Variants in DECR1 observed in about 807,000 individuals in gnomAD.
The protein encoded by DECR1 is 2,4-dienoyl-CoA reductase [(3E)-enoyl-CoA-producing], mitochondrial.
Under a neutral mutation model 38.8 loss-of-function variants are expected in DECR1, and 44 were observed. That is an observed-to-expected ratio of 1.13 (90% CI 0.89 to 1.46). The LOEUF is 1.46. Among genes scored for constraint, DECR1 ranks in the 40% most tolerant of loss-of-function variants. The pLI is 0.00. For missense variants in DECR1, 428 were observed against 405.5 expected, an observed-to-expected ratio of 1.06 and a Z score of -0.48; for synonymous variants, 148 against 135.2, an observed-to-expected ratio of 1.09 and a Z score of -0.66.
At chr8:90,008,528 A>C (rs1812799102) in intron 1 of DECR1, among the ~76,000 whole-genome samples, 1 of 152,188 alleles carries the variant, frequency 6.6e-6, no homozygotes, top group Non-Finnish European at 1.5e-5. Context: ...GAGGTAGAAA[A>C]ATCTCTCTCA....
intron 5 of DECR1, among the ~76,000 whole-genome samples, chr8:90,028,874 G>T (rs1586153357): frequency 6.6e-6 from 1 of 152,002 alleles, no homozygotes; most frequent in Non-Finnish European, 1.5e-5. Context: ...GACCTTGCAA[G>T]TAAGTGCTCT....
At chr8:90,014,229 A>G (rs905350699) in intron 1 of DECR1, among the ~76,000 whole-genome samples, 1 of 152,198 alleles carries the variant, frequency 6.6e-6, no homozygotes, top group South Asian at 2.1e-4. Flanking sequence ...TTTTGTATCT[A>G]CTTTTTATAA....
At chr8:90,030,475 T>G (rs1805888) in intron 5 of DECR1, 6,899 of 152,256 alleles carry the variant, frequency 0.045, 289 homozygotes, top group East Asian at 0.19. Flanking sequence ...TGAACACAAA[T>G]GTGGTGCTTT....
chr8:90,006,163 A>G, intron 1 of DECR1: 1 of 702,666 alleles, frequency 1.4e-6, no homozygotes, highest in Non-Finnish European at 2.6e-6. Context: ...ACATCCAAAC[A>G]TCCTTAGCAG....
intron 8 of DECR1, among the ~76,000 whole-genome samples, chr8:90,045,523 T>C (rs1174230707): frequency 6.6e-6 from 1 of 152,126 alleles, no homozygotes; most frequent in Non-Finnish European, 1.5e-5. Flanking sequence ...GTAAACAAAG[T>C]AGCCTGGAAG....
intron 1 of DECR1, among the ~76,000 whole-genome samples, chr8:90,006,458 CT>C (rs1357012216): frequency 6.6e-6 from 1 of 152,152 alleles, no homozygotes; most frequent in East Asian, 1.9e-4. Flanking sequence ...TGAGAGACAG[CT>C]TAGTGAGCAG....
chr8:90,018,924 G>A lies in DECR1; in HGVS notation c.288G>A (p.Leu96=). 6.3e-7 allele frequency: 1 copy of A among 1,592,026 alleles called. No homozygotes were observed. The highest frequency in any genetic ancestry group is 8.6e-7 in the Non-Finnish European group (1 of 1,165,578). The change falls in exon 3 of 10, where the codon TTG becomes TTA. Residue 96 remains leucine, a synonymous_variant. Transcript: ENST00000220764. The part of the protein sequence containing the change: ...CVIASRKMDV[L]KATAEQISSQ... ...TTATTTCTAGGAAGATGGATGTTTT[G>A]AAAGCTACCGCAGAACAAATTTCTT...
intron 2 of DECR1, 130 bp from the exon 3 acceptor site, chr8:90,018,779 T>G (rs1365645870): frequency 2.7e-6 from 2 of 736,158 alleles, no homozygotes; most frequent in South Asian, 1.8e-5. Flanking sequence ...AAATTCACAT[T>G]GATTTTTGTA....
chr8:90,050,682 C>T (rs569835382), intron 8 of DECR1, among the ~76,000 whole-genome samples: 135 of 152,192 alleles, frequency 8.9e-4, no homozygotes, highest in African/African-American at 3.1e-3. Context: ...GGGTATATAC[C>T]GAAAGAATTA....
intron 1 of DECR1, among the ~76,000 whole-genome samples, chr8:90,012,765 A>G (rs538471900): frequency 3.0e-4 from 45 of 152,090 alleles, no homozygotes; most frequent in Non-Finnish European, 4.4e-4. Context: ...AATTGTGGCA[A>G]CTCCTTAGCA....
intron 8 of DECR1, among the ~76,000 whole-genome samples, chr8:90,050,885 G>GAAGC (rs1418334131): frequency 6.6e-6 from 1 of 152,130 alleles, no homozygotes; most frequent in Admixed American, 6.5e-5. Flanking sequence ...GGACATGGAT[G>GAAGC]AAGCTGGAAA....
chr8:90,014,879 C>T (rs914066586), intron 1 of DECR1, among the ~76,000 whole-genome samples: 3 of 152,068 alleles, frequency 2.0e-5, no homozygotes, highest in Admixed American at 2.0e-4. Context: ...AGGCAGGTGG[C>T]AGCTTTAAGG....
intron 8 of DECR1, among the ~76,000 whole-genome samples, chr8:90,049,783 C>G (rs1374716534): frequency 6.6e-6 from 1 of 152,170 alleles, no homozygotes; most frequent in Non-Finnish European, 1.5e-5. Flanking sequence ...AACTATACTA[C>G]AAGGCTACAG....
At chr8:90,048,003 C>T (rs1455364746) in intron 8 of DECR1, among the ~76,000 whole-genome samples, 2 of 152,178 alleles carry the variant, frequency 1.3e-5, no homozygotes, top group Non-Finnish European at 2.9e-5. Flanking sequence ...AAAGACACAA[C>T]ATACCAGAAT....
chr8:90,012,406 G>T (rs1467502686), intron 1 of DECR1, among the ~76,000 whole-genome samples: 1 of 152,010 alleles, frequency 6.6e-6, no homozygotes, highest in East Asian at 1.9e-4. Flanking sequence ...ACCTGCCTCG[G>T]CCTCCCAAAG....
intron 5 of DECR1, among the ~76,000 whole-genome samples, chr8:90,026,566 G>A (rs1366044645): frequency 1.3e-5 from 2 of 152,070 alleles, no homozygotes; most frequent in South Asian, 2.1e-4. Context: ...GATCGGTGGT[G>A]ATATCCCCTT....
intron 8 of DECR1, among the ~76,000 whole-genome samples, chr8:90,048,858 A>C (rs894800869): frequency 3.3e-5 from 5 of 152,246 alleles, no homozygotes; most frequent in African/African-American, 1.2e-4. Flanking sequence ...AGTGGGCCTC[A>C]TCCCTGGGAT....
intron 1 of DECR1, among the ~76,000 whole-genome samples, chr8:90,008,243 C>T (rs552050443): frequency 6.6e-6 from 1 of 152,338 alleles, no homozygotes; most frequent in South Asian, 2.1e-4. Context: ...CATGCAGCCA[C>T]TTAAAACTAG....
intron 6 of DECR1, among the ~76,000 whole-genome samples, chr8:90,041,190 G>A (rs1265125801): frequency 2.0e-5 from 3 of 151,706 alleles, no homozygotes; most frequent in African/African-American, 7.3e-5. Context: ...ATGGTATCTC[G>A]TGGTTTTGAT....
Sources: gnomAD v4.1 joint callset for allele counts (sites outside exome capture counted in the v4.1 genomes callset) on GRCh38, gnomAD v4.1.1 for gene constraint, MANE v1.5 for transcripts, NCBI Gene and HGNC (gene_info 2026-07-23, HGNC 2026-07-21) for gene names.